The following DNM3 variants were observed in gnomAD, a reference collection of about 807,000 sequenced individuals.
DNM3 encodes dynamin 3, also known as dynamin-3.
Under a neutral mutation model 101.6 loss-of-function variants are expected in DNM3, and 47 were observed. That is an observed-to-expected ratio of 0.46 (90% CI 0.37 to 0.59). The LOEUF is 0.59. Among genes scored for constraint, DNM3 ranks in the 20% least tolerant of loss-of-function variants. The pLI is 0.00. For missense variants in DNM3, 849 were observed against 1,085.7 expected (o/e 0.78, Z 3.06); for synonymous variants, 385 against 387.9 (o/e 0.99, Z 0.09).
intron 15 of DNM3, among the ~76,000 whole-genome samples, chr1:172,307,632 C>T (rs915624723): frequency 6.6e-6 from 1 of 152,146 alleles, no homozygotes; most frequent in Non-Finnish European, 1.5e-5. Context: ...CCCAAATGTC[C>T]ATCAATGATA....
chr1:172,034,947 T>A (rs1164610176), intron 6 of DNM3, among the ~76,000 whole-genome samples: 2 of 151,930 alleles, frequency 1.3e-5, no homozygotes, highest in African/African-American at 2.4e-5. Context: ...AGGTCCTGAG[T>A]AGAGGAACAA....
chr1:171,925,299 C>A (rs2040481609), intron 2 of DNM3, among the ~76,000 whole-genome samples: 1 of 151,850 alleles, frequency 6.6e-6, no homozygotes, highest in African/African-American at 2.4e-5. Flanking sequence ...GCGATCTCAG[C>A]TCACTGCAAG....
chr1:172,145,578 C>G (rs746509391), intron 14 of DNM3, among the ~76,000 whole-genome samples: 5 of 152,064 alleles, frequency 3.3e-5, no homozygotes, highest in Non-Finnish European at 7.4e-5. Context: ...GTAATTAGTT[C>G]CACATGTGGC....
At chr1:171,845,990 T>G (rs75353428) in intron 1 of DNM3, among the ~76,000 whole-genome samples, 1,779 of 152,258 alleles carry the variant, frequency 0.012, 36 homozygotes, top group African/African-American at 0.04. Flanking sequence ...AATAAAATAT[T>G]TTTAAAAAGT....
At chr1:171,998,432 A>G (rs2046146894) in intron 4 of DNM3, among the ~76,000 whole-genome samples, 1 of 152,068 alleles carries the variant, frequency 6.6e-6, no homozygotes. Context: ...GTTTAATGTA[A>G]TTTTCACTTT....
intron 1 of DNM3, among the ~76,000 whole-genome samples, chr1:171,886,267 G>T (rs941117037): frequency 2.0e-5 from 3 of 152,152 alleles, no homozygotes; most frequent in Non-Finnish European, 2.9e-5. Flanking sequence ...TAAGTGATTT[G>T]TCTATACAGC....
At chr1:171,884,413 T>TCAAC (rs1404623073) in intron 1 of DNM3, among the ~76,000 whole-genome samples, 3 of 152,234 alleles carry the variant, frequency 2.0e-5, no homozygotes, top group Non-Finnish European at 4.4e-5. Context: ...ATATGTTATC[T>TCAAC]TTAGGTCTGC....
chr1:172,064,175 T>C (rs901402427), intron 10 of DNM3, among the ~76,000 whole-genome samples: 1 of 152,130 alleles, frequency 6.6e-6, no homozygotes, highest in Non-Finnish European at 1.5e-5. Context: ...TATAAACCAA[T>C]TTATAGGTTA....
intron 2 of DNM3, among the ~76,000 whole-genome samples, chr1:171,936,308 A>G (rs954513249): frequency 6.6e-6 from 1 of 152,024 alleles, no homozygotes; most frequent in Non-Finnish European, 1.5e-5. Context: ...CCAAGATCAC[A>G]CCACTACACT....
At chr1:172,227,884 A>G (rs1316587395) in intron 14 of DNM3, among the ~76,000 whole-genome samples, 1 of 152,136 alleles carries the variant, frequency 6.6e-6, no homozygotes, top group Non-Finnish European at 1.5e-5. Context: ...CTAATATACA[A>G]GTTCACACAC....
chr1:172,052,213 G>C (rs1456127966), intron 10 of DNM3, among the ~76,000 whole-genome samples: 2 of 152,088 alleles, frequency 1.3e-5, no homozygotes, highest in African/African-American at 4.8e-5. Context: ...TGTATTCACA[G>C]CCACACCCCC....
At chr1:172,154,498 A>G (rs932048881) in intron 14 of DNM3, among the ~76,000 whole-genome samples, 1 of 152,142 alleles carries the variant, frequency 6.6e-6, no homozygotes, top group Non-Finnish European at 1.5e-5. Flanking sequence ...AGAAATGTGG[A>G]AACCACATGA....
intron 2 of DNM3, among the ~76,000 whole-genome samples, chr1:171,957,834 C>T (rs1176304682): frequency 6.6e-6 from 1 of 152,180 alleles, no homozygotes; most frequent in Non-Finnish European, 1.5e-5. Context: ...CAACAAGTCG[C>T]TAGGAAGTTC....
At chr1:172,189,536 A>C (rs1175829796) in intron 14 of DNM3, among the ~76,000 whole-genome samples, 5 of 151,960 alleles carry the variant, frequency 3.3e-5, no homozygotes, top group Non-Finnish European at 7.4e-5. Context: ...ATTTCACTAG[A>C]GTTTCATTTT....
chr1:172,157,819 G>A (rs1264929389), intron 14 of DNM3, among the ~76,000 whole-genome samples: 1 of 151,992 alleles, frequency 6.6e-6, no homozygotes, highest in Non-Finnish European at 1.5e-5. Flanking sequence ...AGGGACTTGA[G>A]TATCTTTGGA....
intron 15 of DNM3, among the ~76,000 whole-genome samples, chr1:172,279,658 C>T (rs1233411557): frequency 6.6e-6 from 1 of 152,142 alleles, no homozygotes; most frequent in East Asian, 1.9e-4. Context: ...CCCAGTTGCT[C>T]ATGCTGGAAA....
chr1:172,190,380 T>C (rs2059672684), intron 14 of DNM3, among the ~76,000 whole-genome samples: 1 of 152,268 alleles, frequency 6.6e-6, no homozygotes, highest in Non-Finnish European at 1.5e-5. Flanking sequence ...CCATGGTGTA[T>C]ATGTGACACA....
intron 1 of DNM3, among the ~76,000 whole-genome samples, chr1:171,914,240 C>T (rs2039530804): frequency 6.6e-6 from 1 of 152,066 alleles, no homozygotes; most frequent in Non-Finnish European, 1.5e-5. Flanking sequence ...TCACCGCAAC[C>T]TCCGCCTCCT....
At chr1:172,000,034 C>T (rs2046263478) in intron 4 of DNM3, among the ~76,000 whole-genome samples, 1 of 151,964 alleles carries the variant, frequency 6.6e-6, no homozygotes, top group African/African-American at 2.4e-5. Flanking sequence ...TTATGACAGC[C>T]CTAGGGAATT....
Sources: allele counts gnomAD v4.1 joint callset (sites outside exome capture counted in the v4.1 genomes callset), GRCh38; gene constraint gnomAD v4.1.1; transcripts MANE v1.5; gene names NCBI Gene and HGNC (gene_info 2026-07-23, HGNC 2026-07-21).